The following MAMLD1 variants were observed in gnomAD, a reference collection of about 807,000 sequenced individuals.
MAMLD1 encodes mastermind-like domain-containing protein 1.
A neutral mutation model predicts 45.0 loss-of-function variants in MAMLD1; 14 were observed. The ratio of observed to expected loss-of-function variants is 0.31; its 90% CI spans 0.21 to 0.49. The LOEUF is 0.49. Ranked by LOEUF, MAMLD1 falls within the 20% of genes least tolerant of loss-of-function variation. The pLI is 0.99. For synonymous variants in MAMLD1, 254 were observed against 247.8 expected (o/e 1.02, Z -0.24); for missense variants, 543 against 603.6 (o/e 0.90, Z 1.05).
Position 150,469,838 on chromosome X carries a change from G to A in MAMLD1, c.265G>A (p.Glu89Lys), listed in dbSNP as rs1557406224. The A allele has an allele frequency of 3.3e-6, 4 of 1,211,648 alleles. No homozygotes were observed. In the South Asian group the frequency reaches 5.3e-5, roughly 16 times the overall value. ...TAATAAAATTAAGAGGCCTTGCCTT[G>A]AAGATGTCACCCTTGCAATGGGCCC... is the stretch of plus-strand genomic sequence containing the variant. The part of the protein sequence containing the change: ...YPNKIKRPCL[E>K]DVTLAMGPGA... Residue 89 changes from glutamate to lysine, a missense_variant, in exon 4 of 8, where the codon GAA becomes AAA. Coordinates refer to ENST00000370401, the MANE Select transcript of MAMLD1 (RefSeq NM_005491.5).
chrX:150,460,303 C>T (rs2035995653), intron 2 of MAMLD1, among the ~76,000 whole-genome samples: 1 of 111,284 alleles, frequency 9.0e-6, no homozygotes, highest in Non-Finnish European at 1.9e-5. Flanking sequence ...ATCTGGGCCA[C>T]TCTGATGAAA....
chrX:150,504,115 T>A, intron 6 of MAMLD1: 4 of 752,528 alleles, frequency 5.3e-6, no homozygotes, highest in Non-Finnish European at 6.3e-6. Context: ...AAAGCAAGCT[T>A]GTCCAAGAGG....
At chrX:150,450,162 G>T (rs1179675135) in intron 2 of MAMLD1, among the ~76,000 whole-genome samples, 1 of 112,215 alleles carries the variant, frequency 8.9e-6, no homozygotes, top group Non-Finnish European at 1.9e-5. Context: ...AACAGGTAAA[G>T]AGTAGAAGCA....
At chrX:150,424,960 T>C (rs2124561563) in intron 1 of MAMLD1, among the ~76,000 whole-genome samples, 1 of 112,236 alleles carries the variant, frequency 8.9e-6, no homozygotes, top group East Asian at 2.8e-4. Flanking sequence ...ACTTGCCTAT[T>C]CTGGATATTT....
intron 1 of MAMLD1, among the ~76,000 whole-genome samples, chrX:150,395,607 T>C (rs1557402261): frequency 9.0e-6 from 1 of 111,597 alleles, no homozygotes; most frequent in East Asian, 2.8e-4. Context: ...ATTCAATTTC[T>C]TTAATAGATA....
intron 5 of MAMLD1, among the ~76,000 whole-genome samples, chrX:150,474,323 C>T (rs1311508715): frequency 8.9e-6 from 1 of 112,747 alleles, no homozygotes; most frequent in Non-Finnish European, 1.9e-5. Context: ...TGGGGCACTG[C>T]CTCTGTAGCC....
intron 2 of MAMLD1, among the ~76,000 whole-genome samples, chrX:150,455,778 TTC>T (rs201741521): frequency 0.012 from 961 of 80,363 alleles, 4 homozygotes; most frequent in African/African-American, 0.033. Flanking sequence ...CTTCTTCTTC[TTC>T]TTTTTTTTTT....
At chrX:150,396,870 T>C (rs190992239) in intron 1 of MAMLD1, among the ~76,000 whole-genome samples, 1 of 112,434 alleles carries the variant, frequency 8.9e-6, no homozygotes, top group African/African-American at 3.2e-5. Context: ...TGCTATGTTA[T>C]TTCCCAAGTC....
intron 3 of MAMLD1, among the ~76,000 whole-genome samples, chrX:150,465,603 A>C (rs2031609964): frequency 9.0e-6 from 1 of 110,727 alleles, no homozygotes; most frequent in Non-Finnish European, 1.9e-5. Flanking sequence ...ACTGTCACTC[A>C]CTCCCTCCCC....
chrX:150,469,848 C>T lies in MAMLD1; in HGVS notation c.275C>T (p.Thr92Ile). The T allele has an allele frequency of 8.3e-7, 1 of 1,211,568 alleles. No individual in the cohort carries two copies. The stretch of plus-strand genomic sequence containing the variant: ...AAGAGGCCTTGCCTTGAAGATGTCA[C>T]CCTTGCAATGGGCCCAGGTGCTCAT... ...KIKRPCLEDVTLAMGPGAHPS... is the reference protein window; with the variant it reads ...KIKRPCLEDVILAMGPGAHPS... The change falls in exon 4 of 8, where the codon ACC becomes ATC. Residue 92 changes from threonine to isoleucine, a missense_variant. Thr to Ile is a moderately conservative substitution (Grantham distance 89). Coordinates refer to ENST00000370401, the MANE Select transcript of MAMLD1 (RefSeq NM_005491.5).
intron 1 of MAMLD1, among the ~76,000 whole-genome samples, chrX:150,442,304 C>T (rs781972728): frequency 2.7e-5 from 3 of 111,052 alleles, no homozygotes; most frequent in African/African-American, 9.8e-5. Context: ...TAAATTAGTG[C>T]TTAGTTCTGC....
At chrX:150,392,272 C>T (rs2033212985) in intron 1 of MAMLD1, among the ~76,000 whole-genome samples, 1 of 111,854 alleles carries the variant, frequency 8.9e-6, no homozygotes, top group South Asian at 3.8e-4. Flanking sequence ...TTCAGCTCCC[C>T]ACTAGTCTTT....
At chrX:150,377,025 T>C (rs1227786793) in intron 1 of MAMLD1, among the ~76,000 whole-genome samples, 3 of 113,131 alleles carry the variant, frequency 2.7e-5, no homozygotes, top group Non-Finnish European at 5.6e-5. Context: ...ATAAATGTGT[T>C]GGCCACCTAT....
upstream of MAMLD1, among the ~76,000 whole-genome samples, chrX:150,362,559 G>C (rs742581): frequency 9.2e-6 from 1 of 109,285 alleles, no homozygotes; most frequent in Admixed American, 9.6e-5. Flanking sequence ...TGTCTCGTAC[G>C]GTCTCCTGTC....
In MAMLD1 at chrX:150,503,531, C is replaced by A; in HGVS notation, c.2284+14C>A. ...GCGACGCCACAGGTAAGTCACTTCC[C>A]CCTGAGCCTCGCTTTCCTCATCTGT... On this transcript the variant is annotated intron_variant, in intron 6 of 7. Transcript: ENST00000370401. 1 of 984,176 alleles carries A rather than the reference C, an allele frequency of 1.0e-6. No homozygotes were observed. The highest frequency in any genetic ancestry group is 1.4e-6 in the Non-Finnish European group (1 of 701,118). The allele number at this position is 984,176 out of a possible 1,213,427, so 81.1% of individuals were successfully genotyped here.
Position 150,424,971 on chromosome X carries a change from C to T in MAMLD1, c.-63-20483C>T, listed in dbSNP as rs868961367. ...ATGGACTTGCCTATTCTGGATATTT[C>T]GCATAAATTGAATCATACAATATGT... On this transcript the variant is annotated intron_variant, in intron 1 of 7. Coordinates refer to ENST00000370401, the MANE Select transcript of MAMLD1 (RefSeq NM_005491.5). Among the ~76,000 whole-genome samples the T allele has an allele frequency of 7.1e-5, 8 of 112,178 alleles. 1 individual carries two copies. The Middle Eastern group carries it at 0.014, about 192-fold the overall frequency.
intron 1 of MAMLD1, among the ~76,000 whole-genome samples, chrX:150,380,609 G>A (rs1417468804): frequency 4.5e-5 from 5 of 111,340 alleles, no homozygotes; most frequent in Non-Finnish European, 9.4e-5. Flanking sequence ...CCAGTTTAAA[G>A]AGAAATTCAC....
At chrX:150,405,935 C>G (rs1226539275) in intron 1 of MAMLD1, among the ~76,000 whole-genome samples, 1 of 111,180 alleles carries the variant, frequency 9.0e-6, no homozygotes, top group Non-Finnish European at 1.9e-5. Flanking sequence ...CAACCCTCCC[C>G]AGCGTGGCCA....
chrX:150,367,117 T>C (rs940122795), intron 1 of MAMLD1, among the ~76,000 whole-genome samples: 5 of 109,381 alleles, frequency 4.6e-5, no homozygotes, highest in African/African-American at 1.7e-4. Context: ...CTTTAGGAGA[T>C]ACAAGGAAAT....
Sources: gnomAD v4.1 joint callset for allele counts (sites outside exome capture counted in the v4.1 genomes callset) on GRCh38, gnomAD v4.1.1 for gene constraint, MANE v1.5 for transcripts, NCBI Gene and HGNC (gene_info 2026-07-23, HGNC 2026-07-21) for gene names.